Variants in LRBA observed in about 807,000 individuals in gnomAD.
The protein encoded by LRBA is lipopolysaccharide-responsive and beige-like anchor protein.
LRBA carries 176 observed loss-of-function variants against 330.0 expected under a neutral mutation model. The observed-to-expected ratio is 0.53, with a 90% confidence interval of 0.47 to 0.60. LRBA has a LOEUF of 0.60. Among genes scored for constraint, LRBA ranks in the 20% least tolerant of loss-of-function variants. The pLI is 0.00. For synonymous variants in LRBA, 1,230 were observed against 1,193.0 expected (o/e 1.03, Z -0.64); for missense variants, 3,259 against 3,444.8 (o/e 0.95, Z 1.35).
chr4:150,409,579 C>T lies in LRBA; in HGVS notation c.7194+5859G>A, dbSNP rs189731987. Among the ~76,000 whole-genome samples the T allele has an allele frequency of 1.9e-4, 29 of 152,094 alleles. No individual in the cohort carries two copies. In the East Asian group the frequency reaches 4.6e-3, roughly 24 times the overall value. On this transcript the variant is annotated intron_variant, in intron 47 of 56. Coordinates refer to ENST00000651943, the MANE Select transcript of LRBA (RefSeq NM_001364905.1). ...TTTTGATATCTAGTAAAGCAAGTCC[C>T]TCTGAAATCTGCTCTTGTTCCCCAA... is the stretch of plus-strand genomic sequence containing the variant.
chr4:150,622,776 C>A (rs1776436379), intron 37 of LRBA, among the ~76,000 whole-genome samples: 1 of 150,088 alleles, frequency 6.7e-6, no homozygotes, highest in African/African-American at 2.5e-5. Context: ...CGGCTCACTG[C>A]AAGCTCCGCC....
rs10685627 is a variant in LRBA, at chr4:150,592,144, G to GTTTTTTTTTTTTTTTTTTTTT, written c.6047-1306_6047-1286dup. The stretch of plus-strand genomic sequence containing the variant: ...TTGATATGGAAATCGGATGGCTAGG[G>GTTTTTTTTTTTTTTTTTTTTT]TTTTTTTTTTTTTTTTTTTTTTTTT... On this transcript the variant is annotated intron_variant, in intron 38 of 56. Coordinates refer to ENST00000651943, the MANE Select transcript of LRBA (RefSeq NM_001364905.1). 1.4e-4 allele frequency among the ~76,000 whole-genome samples: 9 copies of GTTTTTTTTTTTTTTTTTTTTT among 65,190 alleles called. 2 individuals are homozygous for GTTTTTTTTTTTTTTTTTTTTT. Among genetic ancestry groups the GTTTTTTTTTTTTTTTTTTTTT allele is most frequent in the East Asian group, 1.3e-3 (2 of 1,558 alleles). The allele number at this position is 65,190 out of a possible 152,430, so 42.8% of individuals were successfully genotyped here. A position where few individuals can be genotyped will look rare whatever the true frequency, so the allele number is the denominator to read the frequency against.
At chr4:150,925,997 G>A (rs1357986286) in intron 4 of LRBA, among the ~76,000 whole-genome samples, 1 of 152,074 alleles carries the variant, frequency 6.6e-6, no homozygotes, top group Non-Finnish European at 1.5e-5. Flanking sequence ...CTTAAACCTG[G>A]AGTCAATTTC....
intron 2 of LRBA, among the ~76,000 whole-genome samples, chr4:150,998,714 T>C (rs759281939): frequency 3.9e-5 from 6 of 152,154 alleles, no homozygotes; most frequent in Non-Finnish European, 8.8e-5. Context: ...AAATCCCCCA[T>C]GAATAAATCT....
intron 39 of LRBA, among the ~76,000 whole-genome samples, chr4:150,589,040 TACACACACAC>T (rs10637563): frequency 6.8e-6 from 1 of 146,756 alleles, no homozygotes; most frequent in African/African-American, 2.6e-5. Context: ...TGTGTGTGTA[TACACACACAC>T]ACACACACAC....
At chr4:150,919,877 A>C in intron 5 of LRBA, among the ~76,000 whole-genome samples, 1 of 152,230 alleles carries the variant, frequency 6.6e-6, no homozygotes, top group South Asian at 2.1e-4. Context: ...CATGCACTGC[A>C]ATCTCAGAAC....
intron 34 of LRBA, among the ~76,000 whole-genome samples, chr4:150,772,897 A>C (rs906682610): frequency 6.6e-6 from 1 of 152,158 alleles, no homozygotes; most frequent in Non-Finnish European, 1.5e-5. Flanking sequence ...CCAAATGAGG[A>C]ATACGTTGCC....
chr4:150,598,931 G>A (rs1306678564), intron 38 of LRBA, 76 bp downstream of exon 38: 8 of 1,550,266 alleles, frequency 5.2e-6, no homozygotes, highest in Non-Finnish European at 1.8e-6. Flanking sequence ...ACAGTGCCTT[G>A]TAATAATGAA....
rs1731301824 is a variant in LRBA, at chr4:150,906,060, C to A, written c.1603-70G>T. ...GTAAGTGAATTACAGGCTGTCCCTA[C>A]CAGGAAAAAAACTGGCCCACAAATT... is the stretch of plus-strand genomic sequence containing the variant. On this transcript the variant is annotated intron_variant, in intron 12 of 56. Coordinates refer to ENST00000651943, the MANE Select transcript of LRBA (RefSeq NM_001364905.1). 18 of 1,383,630 alleles carry A rather than the reference C, an allele frequency of 1.3e-5. No individual in the cohort carries two copies. In the South Asian group the frequency reaches 2.0e-4, roughly 15 times the overall value. 85.7% of individuals were successfully genotyped at this position (1,383,630 alleles called of 1,614,324 possible). A position where few individuals can be genotyped will look rare whatever the true frequency, so the allele number is the denominator to read the frequency against.
intron 44 of LRBA, among the ~76,000 whole-genome samples, chr4:150,441,131 AT>A (rs996304047): frequency 6.6e-6 from 1 of 151,952 alleles, no homozygotes; most frequent in African/African-American, 2.4e-5. Flanking sequence ...AATAATTATT[AT>A]TTTTTTCAGG....
chr4:150,505,448 A>G (rs534271309), intron 40 of LRBA, among the ~76,000 whole-genome samples: 73 of 152,352 alleles, frequency 4.8e-4, no homozygotes, highest in African/African-American at 1.6e-3. Context: ...GCTCAACTAC[A>G]TGGAAACTGA....
chr4:150,910,225 C>G (rs1731829932), intron 9 of LRBA, among the ~76,000 whole-genome samples: 1 of 152,178 alleles, frequency 6.6e-6, no homozygotes, highest in Non-Finnish European at 1.5e-5. Context: ...CAAGAAATCA[C>G]TGCCAAATTC....
At chr4:150,463,736 T>C (rs1275506310) in intron 44 of LRBA, among the ~76,000 whole-genome samples, 1 of 152,016 alleles carries the variant, frequency 6.6e-6, no homozygotes, top group Non-Finnish European at 1.5e-5. Flanking sequence ...TTGATTTTAA[T>C]AAAGGATTCT....
intron 2 of LRBA, among the ~76,000 whole-genome samples, chr4:150,987,687 CAG>C (rs1043383333): frequency 1.3e-5 from 2 of 150,666 alleles, no homozygotes; most frequent in Admixed American, 6.6e-5. Context: ...GCCTGGGCGA[CAG>C]AGTGAGTCTC....
chr4:150,480,807 T>A (rs1430326506), intron 42 of LRBA, among the ~76,000 whole-genome samples: 1 of 152,198 alleles, frequency 6.6e-6, no homozygotes, highest in African/African-American at 2.4e-5. Context: ...AGGACACCCA[T>A]TATCTAAAAC....
intron 31 of LRBA, among the ~76,000 whole-genome samples, chr4:150,814,274 G>A (rs1316616915): frequency 6.6e-6 from 1 of 151,892 alleles, no homozygotes; most frequent in African/African-American, 2.4e-5. Context: ...TACTGACAAG[G>A]GAAAGAGAAC....
At chr4:150,517,560 G>C (rs1439018942) in intron 40 of LRBA, among the ~76,000 whole-genome samples, 5 of 152,046 alleles carry the variant, frequency 3.3e-5, no homozygotes, top group Admixed American at 3.3e-4. Flanking sequence ...GGGGATAGAT[G>C]ATGGGGGCAA....
At chr4:150,818,568 G>GTGTGTA (rs1333165382) in intron 30 of LRBA, among the ~76,000 whole-genome samples, 1 of 150,402 alleles carries the variant, frequency 6.6e-6, no homozygotes, top group Non-Finnish European at 1.5e-5. Flanking sequence ...GTGTGTGCGT[G>GTGTGTA]CACGAATGTG....
rs375070155 is a variant in LRBA at position 150,325,794 on chromosome 4, A to G, written c.7452+15T>C. 3.2e-6 allele frequency: 5 copies of G among 1,571,576 alleles called. No individual in the cohort carries two copies. Among genetic ancestry groups the G allele is most frequent in the Non-Finnish European group, 4.4e-6 (5 of 1,141,422 alleles). On this transcript the variant is annotated intron_variant, in intron 49 of 56. Transcript: ENST00000651943. ...AGGAGAGGCAAGAAATGAGGAGAGT[A>G]AAAATAGCACTTACCACTTGCATGG... is the stretch of plus-strand genomic sequence containing the variant.
Sources: allele counts gnomAD v4.1 joint callset (sites outside exome capture counted in the v4.1 genomes callset), GRCh38; gene constraint gnomAD v4.1.1; transcripts MANE v1.5; gene names NCBI Gene and HGNC (gene_info 2026-07-23, HGNC 2026-07-21).